PRPSAP1: variants seen among roughly 807,000 people sequenced by gnomAD.
PRPSAP1 encodes the protein phosphoribosyl pyrophosphate synthetase associated protein 1, also known as phosphoribosyl pyrophosphate synthase-associated protein 1.
PRPSAP1 carries 31 observed loss-of-function variants against 39.4 expected under a neutral mutation model. The observed-to-expected ratio is 0.79, with a 90% confidence interval of 0.59 to 1.06. PRPSAP1 has a LOEUF of 1.06. PRPSAP1 is among the 50% of genes least tolerant of loss of function. The pLI, the probability that PRPSAP1 is intolerant of heterozygous loss-of-function variation, is 0.00. For synonymous variants in PRPSAP1, 212 were observed against 192.6 expected, an observed-to-expected ratio of 1.10 and a Z score of -0.83; for missense variants, 430 against 511.6, an observed-to-expected ratio of 0.84 and a Z score of 1.54.
intron 2 of PRPSAP1, among the ~76,000 whole-genome samples, chr17:76,345,199 C>G (rs1385451414): frequency 2.2e-5 from 3 of 134,004 alleles, no homozygotes; most frequent in African/African-American, 8.2e-5. Context: ...CGCGCCACTG[C>G]ACTCCAGCCT....
chr17:76,346,552 T>C (rs967131767), intron 2 of PRPSAP1, among the ~76,000 whole-genome samples: 2 of 152,240 alleles, frequency 1.3e-5, no homozygotes, highest in Non-Finnish European at 1.5e-5. Context: ...CTTCCAGTGA[T>C]GCCACTGAGA....
At chr17:76,323,163 G>A (rs1335910147) in intron 7 of PRPSAP1, among the ~76,000 whole-genome samples, 3 of 98,174 alleles carry the variant, frequency 3.1e-5, no homozygotes, top group South Asian at 7.2e-4. Flanking sequence ...CCAACATGGT[G>A]AAACCCTGTC....
chr17:76,330,697 T>A (rs1194871045), intron 4 of PRPSAP1, 31 bp from the exon 5 acceptor site: 1 of 1,464,504 alleles, frequency 6.8e-7, no homozygotes. Flanking sequence ...ATTACAAAGT[T>A]CACCCCTACA....
intron 4 of PRPSAP1, among the ~76,000 whole-genome samples, chr17:76,331,519 T>C (rs1336460115): frequency 6.6e-6 from 1 of 152,236 alleles, no homozygotes; most frequent in Non-Finnish European, 1.5e-5. Flanking sequence ...AGTGTTTATA[T>C]GGTATTAGGT....
At chr17:76,313,528 G>A (rs574814672) in intron 8 of PRPSAP1, 5 of 377,106 alleles carry the variant, frequency 1.3e-5, no homozygotes, top group East Asian at 9.2e-5. Flanking sequence ...CGGCCCTAAC[G>A]CTCAAGCATG....
At chr17:76,338,979 GC>G (rs1288322629) in intron 3 of PRPSAP1, among the ~76,000 whole-genome samples, 2 of 151,980 alleles carry the variant, frequency 1.3e-5, no homozygotes, top group African/African-American at 2.4e-5. Flanking sequence ...GTTGCAGTGA[GC>G]CAAGGTCACA....
chr17:76,352,469 C>A (rs1157054383), intron 1 of PRPSAP1, among the ~76,000 whole-genome samples: 1 of 151,708 alleles, frequency 6.6e-6, no homozygotes, highest in African/African-American at 2.4e-5. Context: ...CACGGTGAAA[C>A]CCAGTCTCTA....
At chr17:76,352,077 AC>A (rs950446648) in intron 1 of PRPSAP1, among the ~76,000 whole-genome samples, 13 of 152,056 alleles carry the variant, frequency 8.5e-5, no homozygotes, top group African/African-American at 2.7e-4. Context: ...AAAAAAAAAA[AC>A]AAGCAGAGCT....
chr17:76,315,130 CTT>C (rs987725924), intron 7 of PRPSAP1, among the ~76,000 whole-genome samples: 11 of 152,250 alleles, frequency 7.2e-5, no homozygotes, highest in African/African-American at 2.6e-4. Flanking sequence ...AAAGTAGAGA[CTT>C]TTATCTGACT....
At chr17:76,340,348 C>G (rs2071422550) in intron 3 of PRPSAP1, among the ~76,000 whole-genome samples, 1 of 151,622 alleles carries the variant, frequency 6.6e-6, no homozygotes, top group South Asian at 2.1e-4. Context: ...TCCCAATTGG[C>G]TATTAACTAA....
intron 1 of PRPSAP1, among the ~76,000 whole-genome samples, chr17:76,352,319 A>G (rs960038234): frequency 1.3e-5 from 2 of 152,204 alleles, no homozygotes; most frequent in African/African-American, 4.8e-5. Flanking sequence ...TTTATATCAG[A>G]GCTCTGGGAT....
chr17:76,336,972 G>A (rs1015211807), intron 3 of PRPSAP1, among the ~76,000 whole-genome samples: 2 of 152,126 alleles, frequency 1.3e-5, no homozygotes, highest in Admixed American at 6.6e-5. Flanking sequence ...AAGGGAAATC[G>A]GCTGGCAGTC....
chr17:76,352,376 T>G (rs367995589), intron 1 of PRPSAP1, among the ~76,000 whole-genome samples: 1 of 152,056 alleles, frequency 6.6e-6, no homozygotes, highest in Admixed American at 6.6e-5. Context: ...CCGGGCGCGG[T>G]GGCTGAAGCC....
chr17:76,326,786 T>C (rs554424841), intron 7 of PRPSAP1, among the ~76,000 whole-genome samples: 1 of 152,320 alleles, frequency 6.6e-6, no homozygotes, highest in African/African-American at 2.4e-5. Context: ...GTAAGGTCTG[T>C]AGATTACAGT....
chr17:76,344,622 T>C (rs1004950158), intron 3 of PRPSAP1, 49 bp downstream of exon 3: 1 of 1,345,422 alleles, frequency 7.4e-7, no homozygotes, highest in African/African-American at 1.5e-5. Flanking sequence ...TAATCAATTA[T>C]ATTGTTAAGG....
intron 8 of PRPSAP1, chr17:76,313,218 CG>C (rs1180177620): frequency 7.6e-6 from 4 of 523,636 alleles, no homozygotes; most frequent in Non-Finnish European, 9.5e-6. Flanking sequence ...CTGTCAGAGG[CG>C]GGCGCAGTCA....
At chr17:76,330,190 C>A in intron 5 of PRPSAP1, 92 bp from the exon 6 acceptor site, 2 of 1,093,350 alleles carry the variant, frequency 1.8e-6, no homozygotes, top group Non-Finnish European at 2.7e-6. Flanking sequence ...TATAATGATC[C>A]AAACTAGTCA....
At chr17:76,318,761 A>C (rs2071153280) in intron 7 of PRPSAP1, among the ~76,000 whole-genome samples, 1 of 152,202 alleles carries the variant, frequency 6.6e-6, no homozygotes, top group Non-Finnish European at 1.5e-5. Context: ...CACTATGTCT[A>C]GAAGTAATGC....
At chr17:76,331,952 G>A (rs1381718434) in intron 4 of PRPSAP1, among the ~76,000 whole-genome samples, 1 of 152,082 alleles carries the variant, frequency 6.6e-6, no homozygotes. Flanking sequence ...ATCTAGACCT[G>A]AAGATCAAAA....
Sources: gnomAD v4.1 joint callset for allele counts (sites outside exome capture counted in the v4.1 genomes callset) on GRCh38, gnomAD v4.1.1 for gene constraint, MANE v1.5 for transcripts, NCBI Gene and HGNC (gene_info 2026-07-23, HGNC 2026-07-21) for gene names.